The following PTBP3 variants were observed in gnomAD, a reference collection of about 807,000 sequenced individuals.
The protein encoded by PTBP3 is polypyrimidine tract-binding protein 3.
A neutral mutation model predicts 58.7 loss-of-function variants in PTBP3; 20 were observed. The observed-to-expected ratio is 0.34, with a 90% CI of 0.24 to 0.50. PTBP3 has a LOEUF of 0.50. Among genes scored for constraint, PTBP3 ranks in the 20% least tolerant of loss-of-function variants. The pLI, the probability that PTBP3 is intolerant of heterozygous loss-of-function variation, is 0.98. For synonymous variants in PTBP3, 185 were observed against 219.8 expected, an observed-to-expected ratio of 0.84 and a Z score of 1.40; for missense variants, 509 against 637.2, an observed-to-expected ratio of 0.80 and a Z score of 2.17.
intron 1 of PTBP3, among the ~76,000 whole-genome samples, chr9:112,329,543 T>C (rs935400653): frequency 6.6e-6 from 1 of 152,228 alleles, no homozygotes; most frequent in African/African-American, 2.4e-5. Flanking sequence ...AGAACTCTCA[T>C]TGCTGACAGC....
chr9:112,239,007 A>AT (rs1380266630), intron 7 of PTBP3, among the ~76,000 whole-genome samples: 1 of 152,198 alleles, frequency 6.6e-6, no homozygotes, highest in Non-Finnish European at 1.5e-5. Context: ...TTAATCACTG[A>AT]TTGTACAAAA....
At chr9:112,319,235 G>T (rs1270409454) in intron 1 of PTBP3, among the ~76,000 whole-genome samples, 1 of 150,568 alleles carries the variant, frequency 6.6e-6, no homozygotes, top group Non-Finnish European at 1.5e-5. Flanking sequence ...ACAAAACACT[G>T]AAGACGGAAA....
chr9:112,264,750 G>A (rs936015609), intron 4 of PTBP3, among the ~76,000 whole-genome samples: 10 of 152,294 alleles, frequency 6.6e-5, no homozygotes, highest in African/African-American at 2.2e-4. Context: ...AAAAAGTATT[G>A]GGAAGAAATG....
intron 9 of PTBP3, 113 bp downstream of exon 9, chr9:112,231,986 G>A (rs879034020): frequency 0.049 from 21,409 of 440,774 alleles, 1,122 homozygotes; most frequent in African/African-American, 0.22. Context: ...GAAGAGAAGA[G>A]AAGAGAAGAG....
intron 2 of PTBP3, among the ~76,000 whole-genome samples, chr9:112,296,776 T>C (rs964928496): frequency 2.0e-5 from 3 of 152,142 alleles, no homozygotes; most frequent in South Asian, 2.1e-4. Context: ...TACATTCGAA[T>C]AGAAATGAAT....
At chr9:112,247,871 T>C (rs921439460) in intron 7 of PTBP3, among the ~76,000 whole-genome samples, 4 of 152,226 alleles carry the variant, frequency 2.6e-5, no homozygotes, top group South Asian at 2.1e-4. Context: ...TCAAGTGGTT[T>C]GGAGGTGGGA....
chr9:112,366,769 C>T, the PTBP3 span, among the ~76,000 whole-genome samples: 1 of 152,140 alleles, frequency 6.6e-6, no homozygotes, highest in Non-Finnish European at 1.5e-5. Context: ...CCTAGTGGAG[C>T]TGTGAGAAGA....
chr9:112,357,382 G>T, the PTBP3 span, among the ~76,000 whole-genome samples: 1 of 152,098 alleles, frequency 6.6e-6, no homozygotes. Context: ...GCAGGGTCTT[G>T]CTCTGTCATC....
chr9:112,265,471 C>T (rs1230186082), intron 4 of PTBP3, among the ~76,000 whole-genome samples: 2 of 151,766 alleles, frequency 1.3e-5, no homozygotes, highest in East Asian at 1.9e-4. Context: ...TGCAGTGAGC[C>T]GAGATAGTGC....
At chr9:112,316,796 A>G (rs1829721003) in intron 1 of PTBP3, among the ~76,000 whole-genome samples, 1 of 151,858 alleles carries the variant, frequency 6.6e-6, no homozygotes, top group African/African-American at 2.4e-5. Flanking sequence ...ACATGGCGAA[A>G]CACCGTCTCT....
At chr9:112,292,153 G>A (rs1453155998) in intron 2 of PTBP3, among the ~76,000 whole-genome samples, 2 of 151,992 alleles carry the variant, frequency 1.3e-5, no homozygotes, top group African/African-American at 2.4e-5. Context: ...GAAGATATAC[G>A]AATAGCCAAC....
At chr9:112,315,075 C>G (rs565160373) in intron 1 of PTBP3, among the ~76,000 whole-genome samples, 1 of 152,156 alleles carries the variant, frequency 6.6e-6, no homozygotes, top group Non-Finnish European at 1.5e-5. Flanking sequence ...TCGTGATCCG[C>G]CCACCTTGGC....
At position 112,220,194 on chromosome 9, in the gene PTBP3, C is replaced by G. The variant is rs1236510381; in HGVS notation, c.*3657G>C. 1 of 1,344,272 alleles carries G rather than the reference C, an allele frequency of 7.4e-7. No individual in the cohort carries two copies. The highest frequency in any genetic ancestry group is 9.8e-7 in the Non-Finnish European group (1 of 1,018,360). 83.3% of individuals were successfully genotyped at this position (1,344,272 alleles called of 1,614,324 possible). ...TTGTCAATTTTTTGTCCAAAAATAT[C>G]TCGTGGGAACAGAAGAGAAACTGCA... On this transcript the variant is annotated 3_prime_UTR_variant, in exon 14 of 14. Transcript: ENST00000374257.
intron 11 of PTBP3, 23 bp from the exon 12 acceptor site, chr9:112,227,650 TA>T: frequency 6.3e-7 from 1 of 1,581,872 alleles, no homozygotes; most frequent in South Asian, 1.1e-5. Context: ...AAGAAAATTT[TA>T]AAGTTTGAGT....
At chr9:112,356,863 T>C in the PTBP3 span, among the ~76,000 whole-genome samples, 77 of 144,400 alleles carry the variant, frequency 5.3e-4, no homozygotes, top group East Asian at 0.013. Context: ...CAGGTGTATA[T>C]TCATTTCCCT....
intron 7 of PTBP3, among the ~76,000 whole-genome samples, chr9:112,235,891 T>C (rs1296653088): frequency 5.3e-5 from 8 of 152,080 alleles, no homozygotes; most frequent in African/African-American, 1.7e-4. Context: ...AACAAGGAAT[T>C]ATAGTACCTC....
At chr9:112,229,920 AAG>A (rs1835136114) in intron 10 of PTBP3, among the ~76,000 whole-genome samples, 1 of 152,202 alleles carries the variant, frequency 6.6e-6, no homozygotes, top group Non-Finnish European at 1.5e-5. Context: ...TTGGCTAGAA[AAG>A]AGTCATATTA....
At chr9:112,306,302 C>T (rs2132356775) in intron 1 of PTBP3, among the ~76,000 whole-genome samples, 1 of 151,966 alleles carries the variant, frequency 6.6e-6, no homozygotes, top group Non-Finnish European at 1.5e-5. Context: ...GTAGCAGGGA[C>T]CACAGATGCA....
At chr9:112,311,426 G>A (rs898022482) in intron 1 of PTBP3, among the ~76,000 whole-genome samples, 2 of 152,164 alleles carry the variant, frequency 1.3e-5, no homozygotes, top group African/African-American at 2.4e-5. Context: ...AAGGAACTGA[G>A]TTAAGTTATA....
Sources: gnomAD v4.1 joint callset for allele counts (sites outside exome capture counted in the v4.1 genomes callset) on GRCh38, gnomAD v4.1.1 for gene constraint, MANE v1.5 for transcripts, NCBI Gene and HGNC (gene_info 2026-07-23, HGNC 2026-07-21) for gene names.